The following ADPRM variants were observed in gnomAD, a reference collection of about 807,000 sequenced individuals.
The protein encoded by ADPRM is ADP-ribose/CDP-alcohol diphosphatase, manganese dependent.
A neutral mutation model predicts 27.2 loss-of-function variants in ADPRM; 17 were observed. The observed-to-expected ratio is 0.63, with a 90% CI of 0.43 to 0.94. The LOEUF is 0.94. Ranked by LOEUF, ADPRM falls within the 40% of genes least tolerant of loss-of-function variation. The probability of loss-of-function intolerance (pLI) is 0.00; values close to 1 mark genes in which losing one functional copy is unlikely to be tolerated. For synonymous variants in ADPRM, 135 were observed against 145.3 expected (o/e 0.93, Z 0.51); for missense variants, 337 against 412.8 (o/e 0.82, Z 1.59).
At position 10,705,237 on chromosome 17, in the gene ADPRM, T is replaced by C. The variant is rs1171031741; in HGVS notation, c.311T>C (p.Val104Ala). 1 of 1,614,094 alleles carries C rather than the reference T, an allele frequency of 6.2e-7. No homozygotes were observed. The highest frequency in any genetic ancestry group is 1.1e-5 in the South Asian group (1 of 91,080). Residue 104 changes from valine (V) to alanine (A), a missense_variant, in exon 2 of 4, where the codon GTT becomes GCT. Physicochemically the swap from Val to Ala is moderately conservative, Grantham distance 64 (BLOSUM62 0). Coordinates refer to ENST00000379774, the MANE Select transcript of ADPRM (RefSeq NM_020233.5). The surrounding 1 kb of genome is among the most constrained non-coding windows in gnomAD (Gnocchi z 5.4). ...MDMFKRLKVP[V>A]HHTWGNHEFY... is the part of the protein sequence containing the mutation. ...ATGTTCAAGAGGCTTAAAGTTCCAG[T>C]TCATCATACATGGGGAAACCATGAA...
chr17:10,710,910 T>C lies in ADPRM; in HGVS notation c.795T>C (p.Ile265=), dbSNP rs754527461. Residue 265 remains isoleucine, a synonymous_variant, in exon 4 of 4, where the codon ATT becomes ATC. Coordinates refer to ENST00000379774, the MANE Select transcript of ADPRM (RefSeq NM_020233.5). ...ACTACAGAGATGCCCTGGCAGTCAT[T>C]TGGTCTCATGAGTGTGTGGTGTGTT... ...AWNYRDALAV[I]WSHECVVCFF... 16 of 1,614,074 alleles carry C rather than the reference T, an allele frequency of 9.9e-6. No individual in the cohort carries two copies. In the East Asian group the frequency reaches 3.6e-4, roughly 36 times the overall value.
At chr17:10,709,276 G>A (rs909559185) in intron 3 of ADPRM, among the ~76,000 whole-genome samples, 3 of 152,100 alleles carry the variant, frequency 2.0e-5, no homozygotes, top group Non-Finnish European at 4.4e-5. Context: ...GACATCAGTG[G>A]AGATGTTGAG....
chr17:10,706,831 A>C (rs576837709), intron 3 of ADPRM, among the ~76,000 whole-genome samples: 7 of 152,308 alleles, frequency 4.6e-5, no homozygotes. Flanking sequence ...TCAGTTTATG[A>C]AGTAATTTCT....
chr17:10,698,533 C>T (rs1162114152), intron 1 of ADPRM, among the ~76,000 whole-genome samples: 2 of 152,160 alleles, frequency 1.3e-5, no homozygotes, highest in African/African-American at 4.8e-5. Context: ...CTACAGATCC[C>T]GCTCCTGTGT....
intron 3 of ADPRM, among the ~76,000 whole-genome samples, chr17:10,710,364 A>C (rs1286355728): frequency 6.6e-6 from 1 of 152,218 alleles, no homozygotes; most frequent in African/African-American, 2.4e-5. Context: ...GGCCTCCCAA[A>C]GTGTTGGGAT....
Position 10,705,472 on chromosome 17 carries a change from G to A in ADPRM, c.546G>A (p.Gln182=). 6.2e-7 allele frequency: 1 copy of A among 1,613,974 alleles called. No individual in the cohort carries two copies. The highest frequency in any genetic ancestry group is 8.5e-7 in the Non-Finnish European group (1 of 1,180,016). ...GVDQSSPKYE[Q]CMKILREHNP... ...ATCAGTCTTCTCCAAAATACGAGCAGTGTATGAAGATATTGAGGGAGCACA... is the reference window on the plus strand; with the variant it reads ...ATCAGTCTTCTCCAAAATACGAGCAATGTATGAAGATATTGAGGGAGCACA... The change falls in exon 2 of 4, where the codon CAG becomes CAA. Residue 182 remains glutamine, a synonymous_variant. Transcript: ENST00000379774. The surrounding 1 kb of genome is among the most constrained non-coding windows in gnomAD (Gnocchi z 5.4).
At position 10,711,072 on chromosome 17, in the gene ADPRM, G is replaced by A; in HGVS notation, c.957G>A (p.Met319Ile). 2 of 1,614,118 alleles carry A rather than the reference G, an allele frequency of 1.2e-6. No homozygotes were observed. The highest frequency in any genetic ancestry group is 2.2e-5 in the South Asian group (2 of 91,084). ...CAGTTCATGTCTATCCTGACAAAAT[G>A]ATGTTGAAAGGGAGAGGCAGAGTTC... ...FGTVHVYPDK[M>I]MLKGRGRVPD... is the part of the protein sequence containing the mutation. The change falls in exon 4 of 4, where the codon ATG (methionine) becomes ATA (isoleucine). Residue 319 changes from methionine to isoleucine, a missense_variant. Physicochemically the swap from Met to Ile is conservative, Grantham distance 10. Transcript: ENST00000379774.
intron 3 of ADPRM, among the ~76,000 whole-genome samples, chr17:10,710,036 G>A (rs2074840859): frequency 6.6e-6 from 1 of 152,200 alleles, no homozygotes; most frequent in South Asian, 2.1e-4. Flanking sequence ...CAGTTCGGAG[G>A]CATTGTTTAT....
intron 1 of ADPRM, among the ~76,000 whole-genome samples, chr17:10,703,157 C>T (rs1000146269): frequency 6.6e-6 from 1 of 150,958 alleles, no homozygotes; most frequent in Non-Finnish European, 1.5e-5. Flanking sequence ...TTTGATTCTT[C>T]TATTAATCTG....
chr17:10,706,054 A>C (rs1232099046), intron 2 of ADPRM: 7 of 192,258 alleles, frequency 3.6e-5, no homozygotes, highest in Non-Finnish European at 6.4e-5. Flanking sequence ...GGGAGTTAGC[A>C]GACTGAGGGA....
chr17:10,705,520 T>G lies in ADPRM; in HGVS notation c.594T>G (p.Ser198Arg). 1 of 1,611,484 alleles carries G rather than the reference T, an allele frequency of 6.2e-7. No individual in the cohort carries two copies. The highest frequency in any genetic ancestry group is 8.5e-7 in the Non-Finnish European group (1 of 1,178,416). Reference protein sequence around the residue: ...REHNPNTELNSPQGLSEPQFV... With the variant: ...REHNPNTELNRPQGLSEPQFV... Reference sequence around the variant, plus strand: ...ACAATCCAAATACGGAACTGAATAGTCCTCAAGGTGAATTATTCCTTTGAG... The same window carrying G: ...ACAATCCAAATACGGAACTGAATAGGCCTCAAGGTGAATTATTCCTTTGAG... Residue 198 changes from serine (S) to arginine (R), a missense_variant, in exon 2 of 4, where the codon AGT (serine) becomes AGG (arginine). Ser to Arg is a moderately radical substitution (Grantham distance 110). Transcript: ENST00000379774. The surrounding 1 kb of genome is among the most constrained non-coding windows in gnomAD (Gnocchi z 5.4).
chr17:10,711,178 T>C lies in ADPRM; in HGVS notation c.*34T>C. The C allele has an allele frequency of 6.5e-7, 1 of 1,535,670 alleles. No individual in the cohort carries two copies. The highest frequency in any genetic ancestry group is 8.8e-7 in the Non-Finnish European group (1 of 1,130,884). ...ATTTTAACTTGATAGAAAATGAGCT[T>C]TGTGTTTGTCCCTCCTAAACAAAAA... On this transcript the variant is annotated 3_prime_UTR_variant, in exon 4 of 4. Coordinates refer to ENST00000379774, the MANE Select transcript of ADPRM (RefSeq NM_020233.5).
At position 10,705,343 on chromosome 17, in the gene ADPRM, T is replaced by G; in HGVS notation, c.417T>G (p.Pro139=). The G allele has an allele frequency of 2.5e-6, 4 of 1,614,044 alleles. No homozygotes were observed. Among genetic ancestry groups the G allele is most frequent in the Non-Finnish European group, 2.5e-6 (3 of 1,179,986 alleles). ...TAGAAGATCAGATTGTACATCATCC[T>G]GAGACCATGCCTTCAGAAGATTATT... ...KFLEDQIVHH[P]ETMPSEDYYA... The change falls in exon 2 of 4, where the codon CCT becomes CCG. Residue 139 remains proline (P), a synonymous_variant. Coordinates refer to ENST00000379774, the MANE Select transcript of ADPRM (RefSeq NM_020233.5). The surrounding 1 kb of genome is among the most constrained non-coding windows in gnomAD (Gnocchi z 5.4).
chr17:10,705,247 A>G lies in ADPRM; in HGVS notation c.321A>G (p.Thr107=), dbSNP rs756036026. 3.2e-5 allele frequency: 51 copies of G among 1,614,038 alleles called. No homozygotes were observed. Among genetic ancestry groups the G allele is most frequent in the Non-Finnish European group, 4.2e-5 (50 of 1,180,020 alleles). ...FKRLKVPVHH[T]WGNHEFYNFS... is the part of the protein sequence containing the mutation. ...GGCTTAAAGTTCCAGTTCATCATAC[A>G]TGGGGAAACCATGAATTCTATAACT... The change falls in exon 2 of 4, where the codon ACA becomes ACG. Residue 107 remains threonine, a synonymous_variant. Transcript: ENST00000379774. This position sits in a 1 kb window ranked among gnomAD's most constrained non-coding sequence, Gnocchi z 5.4.
Position 10,711,414 on chromosome 17 carries a change from C to A in ADPRM, c.*270C>A, listed in dbSNP as rs1567582029. Among the ~76,000 whole-genome samples, 1 of 152,052 alleles carries A rather than the reference C, an allele frequency of 6.6e-6. No individual in the cohort carries two copies. Among genetic ancestry groups the A allele is most frequent in the Non-Finnish European group, 1.5e-5 (1 of 68,002 alleles). ...AGTCCTCATGAGGGATCTTATTTGG[C>A]CCTACCTGATTTTTTTTAACTTTTT... is the stretch of plus-strand genomic sequence containing the variant. On this transcript the variant is annotated 3_prime_UTR_variant, in exon 4 of 4. Transcript: ENST00000379774.
Position 10,706,550 on chromosome 17 carries a change from T to G in ADPRM, c.714T>G (p.Ile238Met). ...ACACAAACCAAGAAAAGGTGGTGAT[T>G]GTGAGTAAGTATTTAATTTATCTGA... is the stretch of plus-strand genomic sequence containing the variant. ...FSDTNQEKVV[I>M]VSHLPIYPDA... The change falls in exon 3 of 4, where the codon ATT (isoleucine) becomes ATG (methionine). Residue 238 changes from isoleucine to methionine, a missense_variant. Transcript: ENST00000379774. 6.4e-7 allele frequency: 1 copy of G among 1,566,346 alleles called. No individual in the cohort carries two copies. Among genetic ancestry groups the G allele is most frequent in the Non-Finnish European group, 8.6e-7 (1 of 1,159,614 alleles).
chr17:10,703,159 A>G (rs2074790002), intron 1 of ADPRM, among the ~76,000 whole-genome samples: 1 of 150,488 alleles, frequency 6.6e-6, no homozygotes, highest in Non-Finnish European at 1.5e-5. Context: ...TGATTCTTCT[A>G]TTAATCTGAA....
intron 1 of ADPRM, among the ~76,000 whole-genome samples, chr17:10,700,380 TG>T (rs2074768544): frequency 6.6e-6 from 1 of 152,152 alleles, no homozygotes; most frequent in East Asian, 1.9e-4. Context: ...TAAGCATCCT[TG>T]GGTATGGGAG....
Position 10,697,607 on chromosome 17 carries a change from G to T in ADPRM, c.-78G>T, listed in dbSNP as rs1038911070. On this transcript the variant is annotated 5_prime_UTR_variant, in exon 1 of 4. Transcript: ENST00000379774. ...AGGAGTCGCTCTGTCCGTCCCGCTCGTTGGTGGCGCTGTTACATAGCCCGT... is the reference window on the plus strand; with the variant it reads ...AGGAGTCGCTCTGTCCGTCCCGCTCTTTGGTGGCGCTGTTACATAGCCCGT... 6.9e-7 allele frequency: 1 copy of T among 1,445,060 alleles called. No individual in the cohort carries two copies. Among genetic ancestry groups the T allele is most frequent in the Non-Finnish European group, 9.6e-7 (1 of 1,042,978 alleles). The allele number at this position is 1,445,060 out of a possible 1,614,324, so 89.5% of individuals were successfully genotyped here.
Sources: allele counts gnomAD v4.1 joint callset (sites outside exome capture counted in the v4.1 genomes callset), GRCh38; gene constraint gnomAD v4.1.1; non-coding constraint Gnocchi (gnomAD v3.1); transcripts MANE v1.5; gene names NCBI Gene and HGNC (gene_info 2026-07-23, HGNC 2026-07-21).